GABRB1: variants seen among roughly 807,000 people sequenced by gnomAD.
GABRB1 encodes gamma-aminobutyric acid receptor subunit beta-1.
A neutral mutation model predicts 51.6 loss-of-function variants in GABRB1; 17 were observed. That is an observed-to-expected ratio of 0.33 (90% CI 0.23 to 0.49). GABRB1 has a LOEUF of 0.49. GABRB1 is among the 20% of genes least tolerant of loss of function. The pLI is 0.99. For synonymous variants in GABRB1, 247 were observed against 218.9 expected, an observed-to-expected ratio of 1.13 and a Z score of -1.14; for missense variants, 410 against 600.6, an observed-to-expected ratio of 0.68 and a Z score of 3.32.
At chr4:47,173,325 T>C (rs1216974459) in intron 4 of GABRB1, among the ~76,000 whole-genome samples, 11 of 152,184 alleles carry the variant, frequency 7.2e-5, no homozygotes, top group Admixed American at 7.2e-4. Flanking sequence ...GTTATCACCG[T>C]ATATATGTTA....
intron 4 of GABRB1, among the ~76,000 whole-genome samples, chr4:47,254,544 G>T (rs1407483098): frequency 1.3e-5 from 2 of 151,302 alleles, no homozygotes; most frequent in Admixed American, 6.6e-5. Context: ...TTGTGTGTGT[G>T]TGTGTTTTTA....
chr4:47,036,925 T>C (rs555673310), intron 3 of GABRB1, among the ~76,000 whole-genome samples: 1 of 152,136 alleles, frequency 6.6e-6, no homozygotes, highest in South Asian at 2.1e-4. Flanking sequence ...ACTTTTTTTT[T>C]CCATTAAAAT....
intron 7 of GABRB1, 39 bp from the exon 8 acceptor site, chr4:47,406,643 G>A (rs967680534): frequency 6.2e-7 from 1 of 1,612,114 alleles, no homozygotes. Context: ...GAACTTAATA[G>A]TGGCACCTTC....
chr4:47,156,338 A>T (rs1477330599), intron 3 of GABRB1, among the ~76,000 whole-genome samples: 1 of 151,914 alleles, frequency 6.6e-6, no homozygotes, highest in African/African-American at 2.4e-5. Context: ...AGATATTTTC[A>T]TGTAATGCAG....
chr4:47,141,795 T>C (rs1313748195), intron 3 of GABRB1, among the ~76,000 whole-genome samples: 1 of 151,918 alleles, frequency 6.6e-6, no homozygotes, highest in Non-Finnish European at 1.5e-5. Context: ...AATATAAGTA[T>C]CTATTGCACA....
At chr4:47,388,386 CAT>C (rs1727873550) in intron 5 of GABRB1, among the ~76,000 whole-genome samples, 1 of 152,196 alleles carries the variant, frequency 6.6e-6, no homozygotes, top group South Asian at 2.1e-4. Flanking sequence ...ATTGTCCAAA[CAT>C]AGAAAATGCC....
chr4:47,386,370 A>C (rs367561022), intron 5 of GABRB1, among the ~76,000 whole-genome samples: 1 of 152,198 alleles, frequency 6.6e-6, no homozygotes, highest in Non-Finnish European at 1.5e-5. Context: ...GACATAAAAT[A>C]TTCTCCCCTT....
intron 4 of GABRB1, among the ~76,000 whole-genome samples, chr4:47,244,877 C>T (rs1721681953): frequency 6.6e-6 from 1 of 152,014 alleles, no homozygotes; most frequent in South Asian, 2.1e-4. Context: ...CACTAAATGC[C>T]CACAAGAGAA....
intron 1 of GABRB1, among the ~76,000 whole-genome samples, chr4:47,007,661 G>T (rs1724447861): frequency 6.6e-6 from 1 of 151,968 alleles, no homozygotes. Flanking sequence ...AATAGAAATT[G>T]TACCAAGAAT....
At chr4:47,204,955 G>A (rs1001482780) in intron 4 of GABRB1, among the ~76,000 whole-genome samples, 12 of 152,130 alleles carry the variant, frequency 7.9e-5, no homozygotes, top group Admixed American at 5.2e-4. Flanking sequence ...CTTGGGCTTT[G>A]ATTTGTTGAT....
rs563873910 is a variant in GABRB1, at chr4:47,213,994, C to T, written c.461+52525C>T. ...TTTTTTCCTTCTCTCTGTTCATCCC[C>T]GCACCCCAAACAGCATAAATTACTC... On this transcript the variant is annotated intron_variant, in intron 4 of 8. Coordinates refer to ENST00000295454, the MANE Select transcript of GABRB1 (RefSeq NM_000812.4). Among the ~76,000 whole-genome samples, 11 of 152,148 alleles carry T rather than the reference C, an allele frequency of 7.2e-5. No homozygotes were observed. In the South Asian group the frequency reaches 1.2e-3, roughly 17 times the overall value.
At chr4:47,127,962 AAG>A (rs1287940322) in intron 3 of GABRB1, among the ~76,000 whole-genome samples, 1 of 151,796 alleles carries the variant, frequency 6.6e-6, no homozygotes, top group East Asian at 1.9e-4. Flanking sequence ...TAAACAAAAA[AAG>A]AGAATAAATA....
At chr4:47,312,646 G>T (rs1724745643) in intron 4 of GABRB1, among the ~76,000 whole-genome samples, 1 of 152,124 alleles carries the variant, frequency 6.6e-6, no homozygotes, top group East Asian at 1.9e-4. Flanking sequence ...GCATTTTTAG[G>T]GGATTTTCTT....
chr4:47,311,395 G>A (rs368354530), intron 4 of GABRB1, among the ~76,000 whole-genome samples: 7 of 143,058 alleles, frequency 4.9e-5, no homozygotes, highest in African/African-American at 1.8e-4. Context: ...CTGGATAACG[G>A]AGCGAGACTC....
chr4:47,423,475 T>C (rs1319330666), intron 8 of GABRB1, among the ~76,000 whole-genome samples: 1 of 152,236 alleles, frequency 6.6e-6, no homozygotes, highest in Non-Finnish European at 1.5e-5. Context: ...TTGTAAATTC[T>C]GTTGTAAAAG....
intron 3 of GABRB1, among the ~76,000 whole-genome samples, chr4:47,138,043 G>A (rs1577942486): frequency 6.6e-6 from 1 of 152,092 alleles, no homozygotes; most frequent in Admixed American, 6.6e-5. Flanking sequence ...CTGTAACATA[G>A]CAGTGTTTTG....
chr4:47,198,936 A>G (rs1560581885), intron 4 of GABRB1, among the ~76,000 whole-genome samples: 1 of 152,188 alleles, frequency 6.6e-6, no homozygotes, highest in Non-Finnish European at 1.5e-5. Context: ...TTGTAAAACC[A>G]TCAGATCTTG....
chr4:47,068,028 C>T (rs1195896200), intron 3 of GABRB1, among the ~76,000 whole-genome samples: 1 of 152,166 alleles, frequency 6.6e-6, no homozygotes. Flanking sequence ...TGGCTTCTAG[C>T]TTCATCCGTG....
At chr4:47,113,830 G>A (rs936056136) in intron 3 of GABRB1, among the ~76,000 whole-genome samples, 1 of 152,108 alleles carries the variant, frequency 6.6e-6, no homozygotes, top group Non-Finnish European at 1.5e-5. Context: ...AATTTATTCA[G>A]CCCCGCAGTT....
Sources: allele counts gnomAD v4.1 joint callset (sites outside exome capture counted in the v4.1 genomes callset), GRCh38; gene constraint gnomAD v4.1.1; transcripts MANE v1.5; gene names NCBI Gene and HGNC (gene_info 2026-07-23, HGNC 2026-07-21).